TMEM63A: variants seen among roughly 807,000 people sequenced by gnomAD.
The protein encoded by TMEM63A is mechanosensitive cation channel TMEM63A.
A neutral mutation model predicts 100.6 loss-of-function variants in TMEM63A; 76 were observed. That is an observed-to-expected ratio of 0.76 (90% CI 0.63 to 0.91). TMEM63A has a LOEUF of 0.91. Ranked by LOEUF, TMEM63A falls within the 40% of genes least tolerant of loss-of-function variation. TMEM63A has a pLI of 0.00. For missense variants in TMEM63A, 876 were observed against 1,008.8 expected (o/e 0.87, Z 1.78); for synonymous variants, 401 against 401.1 (o/e 1.00, Z 0.00).
intron 4 of TMEM63A, among the ~76,000 whole-genome samples, chr1:225,872,280 T>C (rs777319305): frequency 1.3e-5 from 2 of 152,176 alleles, no homozygotes; most frequent in African/African-American, 2.4e-5. Context: ...ACGGGATGAA[T>C]AGCAAGGGGT....
At chr1:225,871,016 C>T in intron 6 of TMEM63A, 60 bp downstream of exon 6, 1 of 1,587,048 alleles carries the variant, frequency 6.3e-7, no homozygotes, top group Admixed American at 1.7e-5. Context: ...TCTTGACTGG[C>T]CAAACACCCA....
At chr1:225,868,161 T>A in intron 6 of TMEM63A, 131 bp from the exon 7 acceptor site, 1 of 1,170,740 alleles carries the variant, frequency 8.5e-7, no homozygotes, top group Non-Finnish European at 1.2e-6. Flanking sequence ...TTTGTTCACA[T>A]ATGAGGAAAT....
rs1431911214 is a variant in TMEM63A, at chr1:225,865,355, G to A, written c.746+542C>T. On this transcript the variant is annotated intron_variant, in intron 10 of 24. Coordinates refer to ENST00000366835, the MANE Select transcript of TMEM63A (RefSeq NM_014698.3). The surrounding 1 kb of genome is among the most constrained non-coding windows in gnomAD (Gnocchi z 4.6). ...CTCCAGCCTCCATCTGCAGGAATTG[G>A]TGGTGCAGATACTCAAAGGGAGCCG... 6.6e-6 allele frequency: 1 copy of A among 151,316 alleles called. No individual in the cohort carries two copies. Among genetic ancestry groups the A allele is most frequent in the African/African-American group, 2.5e-5 (1 of 40,072 alleles). 9.4% of individuals were successfully genotyped at this position (151,316 alleles called of 1,614,324 possible).
chr1:225,843,466 C>G (rs943535549), downstream of TMEM63A, among the ~76,000 whole-genome samples: 2 of 152,208 alleles, frequency 1.3e-5, no homozygotes, highest in Non-Finnish European at 2.9e-5. Context: ...GCAGGGCCTT[C>G]GTCTGGGATC....
chr1:225,875,171 T>G (rs944619890), intron 3 of TMEM63A, among the ~76,000 whole-genome samples: 4 of 152,216 alleles, frequency 2.6e-5, no homozygotes, highest in Admixed American at 1.3e-4. Flanking sequence ...GCAGAGAGCA[T>G]GCATGCAGGC....
intron 20 of TMEM63A, 101 bp from the exon 21 acceptor site, chr1:225,850,180 TGG>T (rs773724142): frequency 7.2e-7 from 1 of 1,387,750 alleles, no homozygotes; most frequent in Non-Finnish European, 9.9e-7. Context: ...GAGCCAGGGC[TGG>T]GGCTGCTGCT....
At chr1:225,870,975 C>A in intron 6 of TMEM63A, 101 bp downstream of exon 6, 2 of 1,227,186 alleles carry the variant, frequency 1.6e-6, no homozygotes, top group Non-Finnish European at 2.4e-6. Flanking sequence ...TAAGAGACAC[C>A]ATCTTAAGAT....
intron 4 of TMEM63A, among the ~76,000 whole-genome samples, chr1:225,872,689 C>CTTTTT (rs67884791): frequency 2.3e-5 from 2 of 87,060 alleles, no homozygotes; most frequent in African/African-American, 4.4e-5. Flanking sequence ...TGCTTTTCTT[C>CTTTTT]TTTTTTTTTT....
chr1:225,852,153 A>C (rs189710085), intron 20 of TMEM63A, among the ~76,000 whole-genome samples: 4 of 152,368 alleles, frequency 2.6e-5, no homozygotes, highest in African/African-American at 9.6e-5. Context: ...AAATACTAAG[A>C]GAGGTCCTAG....
Position 225,865,811 on chromosome 1 carries a change from C to T in TMEM63A, c.746+86G>A. The stretch of plus-strand genomic sequence containing the variant: ...ATACCCAAGCGAGAGACAGAAGGCG[C>T]TCACCTAAGGTGCTCGCCCTGCGGG... On this transcript the variant is annotated intron_variant, in intron 10 of 24. Transcript: ENST00000366835. The surrounding 1 kb of genome is among the most constrained non-coding windows in gnomAD (Gnocchi z 4.6). The T allele has an allele frequency of 1.1e-5, 15 of 1,393,780 alleles. No homozygotes were observed. In the South Asian group the frequency reaches 1.8e-4, roughly 17 times the overall value. 86.3% of individuals were successfully genotyped at this position (1,393,780 alleles called of 1,614,324 possible). A position where few individuals can be genotyped will look rare whatever the true frequency, so the allele number is the denominator to read the frequency against.
At chr1:225,870,813 G>T (rs1394469713) in intron 6 of TMEM63A, among the ~76,000 whole-genome samples, 1 of 152,132 alleles carries the variant, frequency 6.6e-6, no homozygotes, top group Non-Finnish European at 1.5e-5. Flanking sequence ...CTCAATTTGG[G>T]AAGCCCCAGG....
intron 3 of TMEM63A, among the ~76,000 whole-genome samples, chr1:225,876,709 C>T (rs959226102): frequency 3.3e-5 from 5 of 151,518 alleles, no homozygotes; most frequent in Admixed American, 6.6e-5. Flanking sequence ...AGTGCAGTGG[C>T]GTGATCTCGG....
chr1:225,851,007 G>A (rs752656545), intron 20 of TMEM63A, among the ~76,000 whole-genome samples: 13 of 151,902 alleles, frequency 8.6e-5, no homozygotes, highest in Non-Finnish European at 1.6e-4. Flanking sequence ...CACCGCACCC[G>A]GCAGTGTATG....
rs758664565 is a variant in TMEM63A at position 225,867,563 on chromosome 1, C to A, written c.514+325G>T. ...GATTTTAATTAAGTATCATGGATAT[C>A]TTCTGGGTCCATTAATTGTGACCTC... is the stretch of plus-strand genomic sequence containing the variant. On this transcript the variant is annotated intron_variant, in intron 7 of 24. Coordinates refer to ENST00000366835, the MANE Select transcript of TMEM63A (RefSeq NM_014698.3). The surrounding 1 kb of genome is among the most constrained non-coding windows in gnomAD (Gnocchi z 4.6). Among the ~76,000 whole-genome samples the A allele has an allele frequency of 6.6e-6, 1 of 152,140 alleles. No homozygotes were observed. The highest frequency in any genetic ancestry group is 1.5e-5 in the Non-Finnish European group (1 of 68,032).
chr1:225,855,752 TG>T, intron 18 of TMEM63A, 125 bp downstream of exon 18: 1 of 934,602 alleles, frequency 1.1e-6, no homozygotes, highest in Non-Finnish European at 1.6e-6. Flanking sequence ...CCCTGCTGTC[TG>T]GGGAGGAAGA....
chr1:225,842,469 G>A, downstream of TMEM63A: 1 of 1,609,750 alleles, frequency 6.2e-7, no homozygotes, highest in Non-Finnish European at 8.5e-7. Context: ...ATGGAGGCCT[G>A]GAAAGGTGAG....
chr1:225,878,698 C>G (rs548164828), intron 2 of TMEM63A, among the ~76,000 whole-genome samples: 1 of 152,246 alleles, frequency 6.6e-6, no homozygotes, highest in South Asian at 2.1e-4. Context: ...GGGGATTTTT[C>G]TGCTAAGTCT....
chr1:225,845,797 AAGAG>A lies in TMEM63A; in HGVS notation c.*1138_*1141del, dbSNP rs147462916. 3 of 262,426 alleles carry A rather than the reference AAGAG, an allele frequency of 1.1e-5. No individual in the cohort carries two copies. In the East Asian group the frequency reaches 3.0e-4, roughly 26 times the overall value. The allele number at this position is 262,426 out of a possible 1,614,324, so 16.3% of individuals were successfully genotyped here. ...ACCACTGCGGGGGCAAGTCAGCGTCAAGAGAGTCCCTGAGTGAGAAGGCCCAGAT... is the reference window on the plus strand; with the variant it reads ...ACCACTGCGGGGGCAAGTCAGCGTCAAGTCCCTGAGTGAGAAGGCCCAGAT... On this transcript the variant is annotated 3_prime_UTR_variant, in exon 25 of 25. Coordinates refer to ENST00000366835, the MANE Select transcript of TMEM63A (RefSeq NM_014698.3).
chr1:225,856,154 A>G (rs3766936), intron 17 of TMEM63A, among the ~76,000 whole-genome samples: 6,041 of 151,970 alleles, frequency 0.04, 197 homozygotes, highest in East Asian at 0.15. Context: ...GGCCTTCCCT[A>G]AGTGGAAGGT....
Sources: allele counts gnomAD v4.1 joint callset (sites outside exome capture counted in the v4.1 genomes callset), GRCh38; gene constraint gnomAD v4.1.1; non-coding constraint Gnocchi (gnomAD v3.1); transcripts MANE v1.5; gene names NCBI Gene and HGNC (gene_info 2026-07-23, HGNC 2026-07-21).